Variants in SMIM10L3 observed in about 807,000 individuals in gnomAD.
SMIM10L3 encodes the protein salivary gland specific protein SAGSIN1.
chr7:6,330,047 C>T, the SMIM10L3 span: 2 of 295,032 alleles, frequency 6.8e-6, no homozygotes, highest in South Asian at 9.5e-5. Flanking sequence ...GGATTTGGGA[C>T]AGTAGCCCTT....
the SMIM10L3 span, among the ~76,000 whole-genome samples, chr7:6,337,021 C>T: frequency 1.8e-3 from 279 of 151,882 alleles, no homozygotes; most frequent in African/African-American, 5.2e-3. Context: ...TATCCTTAAA[C>T]GGAAGGATTC....
chr7:6,333,202 G>A, the SMIM10L3 span, among the ~76,000 whole-genome samples: 2 of 151,750 alleles, frequency 1.3e-5, no homozygotes, highest in African/African-American at 4.8e-5. Context: ...AAAAACACTG[G>A]GGAGAAAATG....
chr7:6,340,064 T>C, the SMIM10L3 span, among the ~76,000 whole-genome samples: 3 of 151,934 alleles, frequency 2.0e-5, no homozygotes, highest in Non-Finnish European at 2.9e-5. Flanking sequence ...TTTGTATTTT[T>C]AGTAGAGATG....
At chr7:6,346,570 A>C in the SMIM10L3 span, among the ~76,000 whole-genome samples, 1 of 152,106 alleles carries the variant, frequency 6.6e-6, no homozygotes, top group African/African-American at 2.4e-5. Context: ...TAGTAGAGAC[A>C]GGGTTTCACC....
At chr7:6,346,611 G>A in the SMIM10L3 span, among the ~76,000 whole-genome samples, 1 of 152,116 alleles carries the variant, frequency 6.6e-6, no homozygotes, top group Non-Finnish European at 1.5e-5. Flanking sequence ...AAACTCCTGA[G>A]CTTAAGCGAC....
At chr7:6,333,026 G>A in the SMIM10L3 span, among the ~76,000 whole-genome samples, 8 of 151,714 alleles carry the variant, frequency 5.3e-5, no homozygotes, top group East Asian at 1.9e-4. Flanking sequence ...ACGTGCTGGC[G>A]GGTGCCTGTA....
chr7:6,344,914 G>T, the SMIM10L3 span, among the ~76,000 whole-genome samples: 7 of 151,188 alleles, frequency 4.6e-5, no homozygotes, highest in East Asian at 2.0e-4. Flanking sequence ...GCTAATTTTT[G>T]TATTTTAGTA....
the SMIM10L3 span, among the ~76,000 whole-genome samples, chr7:6,343,156 C>A: frequency 6.6e-6 from 1 of 151,560 alleles, no homozygotes; most frequent in Non-Finnish European, 1.5e-5. Context: ...GAGGGTGGAT[C>A]CCCTGAGGTC....
chr7:6,336,829 T>C, the SMIM10L3 span, among the ~76,000 whole-genome samples: 12 of 152,056 alleles, frequency 7.9e-5, no homozygotes, highest in African/African-American at 2.7e-4. Context: ...TAATTTTTTG[T>C]ATTTTGTGTA....
chr7:6,339,608 G>C, the SMIM10L3 span, among the ~76,000 whole-genome samples: 3 of 149,604 alleles, frequency 2.0e-5, no homozygotes, highest in African/African-American at 7.4e-5. Flanking sequence ...CTCAGCCTCC[G>C]GAGTAGCTGG....
the SMIM10L3 span, chr7:6,330,400 A>G: frequency 6.2e-7 from 1 of 1,613,308 alleles, no homozygotes; most frequent in Non-Finnish European, 8.5e-7. Context: ...TGTATTTGCT[A>G]ATTCAAAAGG....
chr7:6,340,038 C>T, the SMIM10L3 span, among the ~76,000 whole-genome samples: 611 of 152,276 alleles, frequency 4.0e-3, 2 homozygotes, highest in African/African-American at 0.014. Flanking sequence ...GCATGCACCA[C>T]CACACCCAGC....
At chr7:6,334,050 G>A in the SMIM10L3 span, among the ~76,000 whole-genome samples, 6 of 150,864 alleles carry the variant, frequency 4.0e-5, no homozygotes, top group Non-Finnish European at 7.4e-5. Flanking sequence ...GTTTCACCAT[G>A]TTAGCCAGGA....
At chr7:6,348,638 GC>G in the SMIM10L3 span, 1 of 506,252 alleles carries the variant, frequency 2.0e-6, no homozygotes, top group Non-Finnish European at 3.6e-6. Context: ...ATACGCAGCC[GC>G]CAGGCCAGGT....
At chr7:6,339,168 G>A in the SMIM10L3 span, among the ~76,000 whole-genome samples, 8 of 152,248 alleles carry the variant, frequency 5.3e-5, no homozygotes, top group South Asian at 2.1e-4. Flanking sequence ...CACTTGGCAC[G>A]TCTAAATCAC....
the SMIM10L3 span, among the ~76,000 whole-genome samples, chr7:6,346,080 T>A: frequency 2.6e-5 from 4 of 152,194 alleles, no homozygotes; most frequent in South Asian, 6.2e-4. Context: ...AAGTTTGTTT[T>A]TTAAAAATCC....
the SMIM10L3 span, among the ~76,000 whole-genome samples, chr7:6,338,977 T>C: frequency 1.3e-5 from 2 of 152,120 alleles, no homozygotes; most frequent in Non-Finnish European, 2.9e-5. Flanking sequence ...GTGTGAACGC[T>C]AGCACACCTT....
At chr7:6,331,307 A>G in the SMIM10L3 span, 1 of 694,454 alleles carries the variant, frequency 1.4e-6, no homozygotes, top group East Asian at 2.7e-5. Context: ...CACCCACCAA[A>G]TATTTCCTAA....
the SMIM10L3 span, among the ~76,000 whole-genome samples, chr7:6,342,583 T>C: frequency 5.3e-5 from 8 of 152,164 alleles, no homozygotes; most frequent in African/African-American, 4.8e-5. Flanking sequence ...GAGTTACATA[T>C]GATCCAGCAA....
Sources: gnomAD v4.1 joint callset for allele counts (sites outside exome capture counted in the v4.1 genomes callset) on GRCh38, gnomAD v4.1.1 for gene constraint, MANE v1.5 for transcripts, NCBI Gene and HGNC (gene_info 2026-07-23, HGNC 2026-07-21) for gene names.